The following PSD3 variants were observed in gnomAD, a reference collection of about 807,000 sequenced individuals.
PSD3 encodes the protein PH and SEC7 domain-containing protein 3.
In PSD3, 49 loss-of-function variants were observed where a neutral mutation model predicts 105.5. That is an observed-to-expected ratio of 0.46 (90% CI 0.37 to 0.59). The LOEUF (loss-of-function observed/expected upper bound fraction) is 0.59, where lower values mean the gene tolerates loss of function less well. PSD3 is among the 20% of genes least tolerant of loss of function. The pLI, the probability that PSD3 is intolerant of heterozygous loss-of-function variation, is 0.00. For missense variants in PSD3, 1,561 were observed against 1,263.8 expected, an observed-to-expected ratio of 1.24 and a Z score of -3.57; for synonymous variants, 557 against 457.8, an observed-to-expected ratio of 1.22 and a Z score of -2.77.
intron 11 of PSD3, among the ~76,000 whole-genome samples, chr8:18,602,884 T>G (rs373812237): frequency 6.6e-6 from 1 of 152,184 alleles, no homozygotes; most frequent in Non-Finnish European, 1.5e-5. Flanking sequence ...GTCCTCATCA[T>G]GAGGACTGTA....
chr8:18,743,494 C>A (rs1026111601), intron 9 of PSD3, among the ~76,000 whole-genome samples: 1 of 152,094 alleles, frequency 6.6e-6, no homozygotes, highest in Admixed American at 6.6e-5. Flanking sequence ...GACAAACAGT[C>A]GTTCTCCTTG....
intron 9 of PSD3, among the ~76,000 whole-genome samples, chr8:18,678,279 A>G (rs1035827717): frequency 3.3e-5 from 5 of 152,150 alleles, no homozygotes; most frequent in African/African-American, 1.2e-4. Context: ...AAGTTGTTTA[A>G]AAAAAATTCT....
intron 11 of PSD3, among the ~76,000 whole-genome samples, chr8:18,613,064 G>GCA (rs1563378337): frequency 2.0e-5 from 3 of 151,920 alleles, no homozygotes; most frequent in African/African-American, 7.3e-5. Context: ...CCGGAAACGT[G>GCA]TGTGGGAAGC....
chr8:18,588,695 G>C (rs1039630855), intron 12 of PSD3, among the ~76,000 whole-genome samples: 3 of 152,094 alleles, frequency 2.0e-5, no homozygotes, highest in African/African-American at 7.2e-5. Flanking sequence ...AACCTTCTTG[G>C]AGCTCTAATC....
At chr8:18,795,312 G>A (rs115994851) in intron 8 of PSD3, among the ~76,000 whole-genome samples, 1 of 152,110 alleles carries the variant, frequency 6.6e-6, no homozygotes, top group East Asian at 1.9e-4. Flanking sequence ...GTATATGTAG[G>A]AGGCCCAGCC....
At chr8:18,787,858 G>T (rs1809327668) in intron 8 of PSD3, among the ~76,000 whole-genome samples, 1 of 152,120 alleles carries the variant, frequency 6.6e-6, no homozygotes, top group Non-Finnish European at 1.5e-5. Flanking sequence ...AGAATTTGGG[G>T]AAACAAGTGT....
In PSD3 at chr8:18,700,463, C is replaced by T. The variant is rs547806708; in HGVS notation, c.2173-44778G>A. Among the ~76,000 whole-genome samples, 42 of 152,296 alleles carry T rather than the reference C, an allele frequency of 2.8e-4. 1 individual carries two copies. The South Asian group carries it at 8.5e-3, about 31-fold the overall frequency. ...ATACTGCTGAAATAGTGTGAACACTCGTGAGAGGCTATCTCCCATGCTTAA... is the reference window on the plus strand; with the variant it reads ...ATACTGCTGAAATAGTGTGAACACTTGTGAGAGGCTATCTCCCATGCTTAA... On this transcript the variant is annotated intron_variant, in intron 9 of 15. Transcript: ENST00000327040.
chr8:18,828,002 G>T (rs1260539593), intron 4 of PSD3, among the ~76,000 whole-genome samples: 1 of 139,088 alleles, frequency 7.2e-6, no homozygotes, highest in African/African-American at 2.7e-5. Context: ...CTCCATACAA[G>T]GTAGACAATT....
At chr8:18,620,363 C>T (rs1806026230) in intron 11 of PSD3, among the ~76,000 whole-genome samples, 2 of 86,028 alleles carry the variant, frequency 2.3e-5, no homozygotes, top group Admixed American at 1.0e-4. Context: ...TTTTTTTTCC[C>T]CAGGCTGTGG....
At chr8:18,750,104 G>A (rs1805349293) in intron 9 of PSD3, among the ~76,000 whole-genome samples, 1 of 152,134 alleles carries the variant, frequency 6.6e-6, no homozygotes, top group South Asian at 2.1e-4. Context: ...GTTAACGACA[G>A]CAATATAAAA....
At chr8:18,843,996 A>G (rs900417185) in intron 4 of PSD3, among the ~76,000 whole-genome samples, 1 of 151,890 alleles carries the variant, frequency 6.6e-6, no homozygotes, top group African/African-American at 2.4e-5. Flanking sequence ...ATCCTGATTT[A>G]AAAAAACAAG....
chr8:18,594,141 T>C (rs1420132935), intron 12 of PSD3, among the ~76,000 whole-genome samples: 1 of 63,988 alleles, frequency 1.6e-5, no homozygotes, highest in African/African-American at 5.8e-5. Context: ...ATTATATATA[T>C]ATTATATAAT....
chr8:19,044,120 A>C (rs937100168), intron 1 of PSD3, among the ~76,000 whole-genome samples: 3 of 152,184 alleles, frequency 2.0e-5, no homozygotes, highest in African/African-American at 7.2e-5. Flanking sequence ...GCTGTGCTAC[A>C]CTGATGAGCT....
Position 18,784,360 on chromosome 8 carries a change from C to T in PSD3, c.2082+14935G>A, listed in dbSNP as rs969043124. ...AAGACTTTTTCCCTACACTCATACA[C>T]CACTCAACACAATAGTCACTGAAGT... On this transcript the variant is annotated intron_variant, in intron 8 of 15. Transcript: ENST00000327040. Among the ~76,000 whole-genome samples the T allele has an allele frequency of 4.6e-5, 7 of 152,194 alleles. No homozygotes were observed. In the East Asian group the frequency reaches 9.6e-4, roughly 21 times the overall value.
chr8:18,934,433 C>T (rs574846736), intron 2 of PSD3, among the ~76,000 whole-genome samples: 5 of 152,026 alleles, frequency 3.3e-5, no homozygotes, highest in Non-Finnish European at 4.4e-5. Context: ...TTTTTTGAGA[C>T]GGAGTCTCGC....
chr8:18,593,037 C>A (rs1803731082), intron 12 of PSD3, among the ~76,000 whole-genome samples: 1 of 152,200 alleles, frequency 6.6e-6, no homozygotes. Flanking sequence ...AAAACCTAGG[C>A]AATACCATTC....
At chr8:19,033,098 C>G (rs1350159695) in intron 1 of PSD3, among the ~76,000 whole-genome samples, 3 of 151,948 alleles carry the variant, frequency 2.0e-5, no homozygotes, top group Non-Finnish European at 4.4e-5. Flanking sequence ...AACAAACAAA[C>G]AAACAAACAA....
At chr8:18,620,801 A>G (rs1255089877) in intron 11 of PSD3, among the ~76,000 whole-genome samples, 1 of 152,210 alleles carries the variant, frequency 6.6e-6, no homozygotes, top group African/African-American at 2.4e-5. Context: ...TCTTATCCCC[A>G]TGATTAATTC....
At chr8:18,605,257 C>T (rs1433992062) in intron 11 of PSD3, among the ~76,000 whole-genome samples, 4 of 152,146 alleles carry the variant, frequency 2.6e-5, no homozygotes, top group Non-Finnish European at 5.9e-5. Flanking sequence ...CTGTGGGAGC[C>T]TACCCCTCAT....
Sources: gnomAD v4.1 joint callset for allele counts (sites outside exome capture counted in the v4.1 genomes callset) on GRCh38, gnomAD v4.1.1 for gene constraint, MANE v1.5 for transcripts, NCBI Gene and HGNC (gene_info 2026-07-23, HGNC 2026-07-21) for gene names.